The following COG6 variants were observed in gnomAD, a reference collection of about 807,000 sequenced individuals.
COG6 encodes the protein component of oligomeric golgi complex 6, also known as conserved oligomeric Golgi complex subunit 6.
In COG6, 74 loss-of-function variants were observed where a neutral mutation model predicts 88.8. The observed-to-expected ratio is 0.83, with a 90% confidence interval of 0.69 to 1.01. The LOEUF is 1.01. Among genes scored for constraint, COG6 ranks in the 50% least tolerant of loss-of-function variants. The pLI, the probability that COG6 is intolerant of heterozygous loss-of-function variation, is 0.00. For synonymous variants in COG6, 286 were observed against 278.7 expected, an observed-to-expected ratio of 1.03 and a Z score of -0.26; for missense variants, 800 against 797.9, an observed-to-expected ratio of 1.00 and a Z score of -0.03.
intron 18 of COG6, among the ~76,000 whole-genome samples, chr13:39,740,803 A>G (rs765220744): frequency 2.8e-4 from 42 of 152,298 alleles, no homozygotes; most frequent in South Asian, 1.5e-3. Context: ...AAAAATCAAA[A>G]TTTTAACTAA....
At chr13:39,728,422 C>T (rs1879253395) in intron 18 of COG6, among the ~76,000 whole-genome samples, 1 of 150,854 alleles carries the variant, frequency 6.6e-6, no homozygotes, top group Non-Finnish European at 1.5e-5. Context: ...TTTTAACTCA[C>T]CATGCAGAAT....
intron 1 of COG6, among the ~76,000 whole-genome samples, chr13:39,657,157 A>G (rs9548870): frequency 0.44 from 67,203 of 151,312 alleles, 15,272 homozygotes; most frequent in Admixed American, 0.59. Context: ...TCAGCCTCCC[A>G]AGTAGCTGGG....
chr13:39,758,242 AT>A lies in COG6; in HGVS notation c.1827-30092del, dbSNP rs560705894. Among the ~76,000 whole-genome samples, 855 of 142,492 alleles carry A rather than the reference AT, an allele frequency of 6.0e-3. 34 individuals are homozygous for A. The highest frequency in any genetic ancestry group is 8.2e-3 in the South Asian group (37 of 4,528). The allele number at this position is 142,492 out of a possible 152,430, so 93.5% of individuals were successfully genotyped here. ...TCAAAAAAAAAAAAAAAAAAAAAAA[AT>A]GACGAGCTGGACGCGGTGGCTCATG... is the stretch of plus-strand genomic sequence containing the variant. On this transcript the variant is annotated intron_variant, in intron 18 of 18. Transcript: ENST00000416691.
At position 39,719,800 on chromosome 13, in the gene COG6, C is replaced by G; in HGVS notation, c.1557C>G (p.Asp519Glu). The change falls in exon 15 of 19, where the codon GAC (aspartate) becomes GAG (glutamate). Residue 519 changes from aspartate (D) to glutamate (E), a missense_variant. By Grantham distance (45) the Asp-to-Glu change is conservative. Transcript: ENST00000455146. ...KTTLALFEFT[D>E]RRLEMLQFQI... Reference sequence around the variant, plus strand: ...CATTAGCTCTATTTGAATTCACTGACAGACGTCTGGAAATGCTACAGTTTC... The same window carrying G: ...CATTAGCTCTATTTGAATTCACTGAGAGACGTCTGGAAATGCTACAGTTTC... The G allele has an allele frequency of 6.2e-7, 1 of 1,612,196 alleles. No individual in the cohort carries two copies. Among genetic ancestry groups the G allele is most frequent in the Non-Finnish European group, 8.5e-7 (1 of 1,178,752 alleles).
chr13:39,761,078 A>G (rs776723477), intron 18 of COG6, among the ~76,000 whole-genome samples: 10 of 152,006 alleles, frequency 6.6e-5, no homozygotes, highest in Non-Finnish European at 1.2e-4. Flanking sequence ...GGTTGGGATT[A>G]CTTCAACTCT....
intron 5 of COG6, among the ~76,000 whole-genome samples, chr13:39,678,544 G>T (rs1876111671): frequency 6.6e-6 from 1 of 151,990 alleles, no homozygotes; most frequent in African/African-American, 2.4e-5. Context: ...CTCTCAAAAT[G>T]TTAAATAACA....
At chr13:39,707,170 C>T (rs989792190) in intron 13 of COG6, among the ~76,000 whole-genome samples, 5 of 151,406 alleles carry the variant, frequency 3.3e-5, no homozygotes, top group African/African-American at 1.2e-4. Flanking sequence ...GCTCTGTCAC[C>T]AGGCTGGAGT....
intron 3 of COG6, among the ~76,000 whole-genome samples, chr13:39,663,514 A>G (rs1875045413): frequency 6.6e-6 from 1 of 152,196 alleles, no homozygotes; most frequent in Non-Finnish European, 1.5e-5. Context: ...TTTAGCATTT[A>G]AGAAGTATGA....
intron 11 of COG6, among the ~76,000 whole-genome samples, chr13:39,693,594 A>T (rs1877100077): frequency 6.6e-6 from 1 of 152,020 alleles, no homozygotes; most frequent in Admixed American, 6.6e-5. Flanking sequence ...TTAAGTTCAA[A>T]TGCCATTCAT....
Position 39,751,848 on chromosome 13 carries a change from A to G in COG6, c.*755A>G, listed in dbSNP as rs1396166758. 3.1e-6 allele frequency: 4 copies of G among 1,287,062 alleles called. No individual in the cohort carries two copies. Among genetic ancestry groups the G allele is most frequent in the African/African-American group, 1.5e-5 (1 of 65,800 alleles). The allele number at this position is 1,287,062 out of a possible 1,614,324, so 79.7% of individuals were successfully genotyped here. ...TCAGCCTTTCCAATGAGCTCTAAGCATGTAGATAGCCTGAGCTGTGTCTAA... is the reference window on the plus strand; with the variant it reads ...TCAGCCTTTCCAATGAGCTCTAAGCGTGTAGATAGCCTGAGCTGTGTCTAA... On this transcript the variant is annotated 3_prime_UTR_variant, in exon 19 of 19. Coordinates refer to ENST00000455146, the MANE Select transcript of COG6 (RefSeq NM_020751.3).
At chr13:39,771,294 T>C (rs1426468654) in intron 18 of COG6, among the ~76,000 whole-genome samples, 2 of 152,346 alleles carry the variant, frequency 1.3e-5, no homozygotes, top group South Asian at 4.1e-4. Context: ...ATTTGCTGTG[T>C]TTAAGTCATC....
downstream of COG6, chr13:39,752,665 T>G: frequency 8.2e-7 from 1 of 1,223,142 alleles, no homozygotes. Flanking sequence ...CCTGTAGATA[T>G]ATATCCTATT....
At chr13:39,672,298 C>T (rs1384906485) in intron 4 of COG6, among the ~76,000 whole-genome samples, 1 of 151,844 alleles carries the variant, frequency 6.6e-6, no homozygotes, top group Non-Finnish European at 1.5e-5. Flanking sequence ...AGATATAATT[C>T]ACATATCATA....
chr13:39,740,127 C>T (rs1374689925), intron 18 of COG6, among the ~76,000 whole-genome samples: 1 of 152,124 alleles, frequency 6.6e-6, no homozygotes, highest in Non-Finnish European at 1.5e-5. Flanking sequence ...ATACTCTGTT[C>T]ATAGACTGAA....
In COG6 at chr13:39,694,664, C is replaced by T. The variant is rs1014433615; in HGVS notation, c.1105C>T (p.Pro369Ser). 8 of 1,601,114 alleles carry T rather than the reference C, an allele frequency of 5.0e-6. No individual in the cohort carries two copies. In the Admixed American group the frequency reaches 6.7e-5, roughly 13 times the overall value. The change falls in exon 12 of 19, where the codon CCT becomes TCT. Residue 369 changes from proline (P) to serine (S), a missense_variant. Transcript: ENST00000455146. Reference sequence around the variant, plus strand: ...AATTGAGCAAGTAATAGTTGCTGAACCTGGGGCAGTTTTATTATATAAAAT... The same window carrying T: ...AATTGAGCAAGTAATAGTTGCTGAATCTGGGGCAGTTTTATTATATAAAAT... ...VRIEQVIVAEPGAVLLYKISN... is the reference protein window; with the variant it reads ...VRIEQVIVAESGAVLLYKISN...
intron 13 of COG6, among the ~76,000 whole-genome samples, chr13:39,711,596 C>T (rs542814317): frequency 3.0e-4 from 45 of 152,230 alleles, no homozygotes; most frequent in African/African-American, 1.1e-3. Flanking sequence ...ATTCCTTCCT[C>T]CTCCTTCTCA....
Position 39,752,224 on chromosome 13 carries a change from A to G in COG6, c.*1131A>G. ...TTACAAATGAGAAAATTGAAGCACA[A>G]GGAAAAAAATAACTAGTTTGAAATA... On this transcript the variant is annotated 3_prime_UTR_variant, in exon 19 of 19. Transcript: ENST00000455146. 1.9e-6 allele frequency: 2 copies of G among 1,063,126 alleles called. No homozygotes were observed. Among genetic ancestry groups the G allele is most frequent in the Non-Finnish European group, 2.4e-6 (2 of 826,638 alleles). 65.9% of individuals were successfully genotyped at this position (1,063,126 alleles called of 1,614,324 possible). A position where few individuals can be genotyped will look rare whatever the true frequency, so the allele number is the denominator to read the frequency against.
intron 13 of COG6, among the ~76,000 whole-genome samples, chr13:39,716,063 A>G (rs1407266376): frequency 6.6e-6 from 1 of 152,038 alleles, no homozygotes; most frequent in Admixed American, 6.6e-5. Flanking sequence ...ATGAAAGAAA[A>G]GGAGACAAAA....
intron 18 of COG6, among the ~76,000 whole-genome samples, chr13:39,785,948 A>G (rs565229147): frequency 3.9e-5 from 6 of 152,268 alleles, no homozygotes; most frequent in African/African-American, 1.4e-4. Context: ...ACAGAACTCA[A>G]TGCCCTGGGA....
Sources: allele counts gnomAD v4.1 joint callset (sites outside exome capture counted in the v4.1 genomes callset), GRCh38; gene constraint gnomAD v4.1.1; transcripts MANE v1.5; gene names NCBI Gene and HGNC (gene_info 2026-07-23, HGNC 2026-07-21).